The following REG3G variants were observed in gnomAD, a reference collection of about 807,000 sequenced individuals.
REG3G encodes the protein regenerating family member 3 gamma.
REG3G carries 19 observed loss-of-function variants against 20.9 expected under a neutral mutation model. The ratio of observed to expected loss-of-function variants is 0.91; its 90% CI spans 0.64 to 1.34. REG3G has a LOEUF of 1.34. Among genes scored for constraint, REG3G ranks in the 40% most tolerant of loss-of-function variants. The pLI is 0.00. For synonymous variants in REG3G, 89 were observed against 77.4 expected, an observed-to-expected ratio of 1.15 and a Z score of -0.79; for missense variants, 235 against 205.0, an observed-to-expected ratio of 1.15 and a Z score of -0.89.
chr2:79,027,242 C>T (rs185941694), intron 4 of REG3G, 71 bp downstream of exon 4: 58 of 1,513,360 alleles, frequency 3.8e-5, no homozygotes, highest in Non-Finnish European at 5.1e-5. Flanking sequence ...TCCCTGTCCC[C>T]AGTCCCTGCC....
At chr2:79,027,436 G>A in intron 4 of REG3G, among the ~76,000 whole-genome samples, 1 of 152,192 alleles carries the variant, frequency 6.6e-6, no homozygotes, top group East Asian at 1.9e-4. Context: ...AATTATCTGA[G>A]CTTCAGGGAG....
rs1671640612 is a variant in REG3G at position 79,027,022 on chromosome 2, T to A, written c.196-12T>A. 3.7e-6 allele frequency: 6 copies of A among 1,613,870 alleles called. No individual in the cohort carries two copies. The highest frequency in any genetic ancestry group is 8.5e-7 in the Non-Finnish European group (1 of 1,179,898). On this transcript the variant is annotated splice_polypyrimidine_tract_variant and intron_variant, in intron 3 of 5. Coordinates refer to ENST00000272324, the MANE Select transcript of REG3G (RefSeq NM_001008387.3). ...CTCAGGCTCCATCTCATTCTCTTTG[T>A]CCCCCTCAAAGCTGGCTTGCCAGAA... is the stretch of plus-strand genomic sequence containing the variant.
intron 5 of REG3G, 102 bp downstream of exon 5, chr2:79,028,035 T>A (rs1671670172): frequency 1.4e-6 from 2 of 1,473,084 alleles, no homozygotes; most frequent in Admixed American, 3.5e-5. Context: ...GCAGTGTTTA[T>A]GTGCCTTCTC....
intron 4 of REG3G, 30 bp from the exon 5 acceptor site, chr2:79,027,777 C>T (rs1283918923): frequency 1.2e-6 from 2 of 1,613,342 alleles, no homozygotes; most frequent in Admixed American, 1.7e-5. Flanking sequence ...TGGCCATTTT[C>T]TTCACCTGGC....
chr2:79,026,562 G>T, intron 2 of REG3G, 151 bp from the exon 3 acceptor site: 1 of 672,992 alleles, frequency 1.5e-6, no homozygotes, highest in South Asian at 1.9e-5. Flanking sequence ...GGGCTATTTT[G>T]AGATAAAGAA....
chr2:79,026,173 A>C lies in REG3G; in HGVS notation c.76+4A>C, dbSNP rs368137866. 1.5e-4 allele frequency: 236 copies of C among 1,613,844 alleles called. 1 individual carries two copies. Among genetic ancestry groups the C allele is most frequent in the Non-Finnish European group, 1.9e-4 (221 of 1,179,812 alleles). On this transcript the variant is annotated splice_donor_region_variant and intron_variant, in intron 2 of 5. Coordinates refer to ENST00000272324, the MANE Select transcript of REG3G (RefSeq NM_001008387.3). ...ATTCTCCTGTGTCAGGTTCAAGGTG[A>C]GATTTCTCTGCCTCTAGCACTGGGT...
chr2:79,026,471 G>A (rs1373089379), intron 2 of REG3G: 1 of 597,542 alleles, frequency 1.7e-6, no homozygotes, highest in African/African-American at 1.9e-5. Flanking sequence ...CCAATATAGA[G>A]ATAGCCCACA....
At chr2:79,027,719 G>T (rs2103967127) in intron 4 of REG3G, 88 bp from the exon 5 acceptor site, 1 of 1,482,720 alleles carries the variant, frequency 6.7e-7, no homozygotes, top group Non-Finnish European at 9.3e-7. Flanking sequence ...CTGATGCTGG[G>T]GAGGAATCAG....
Position 79,028,289 on chromosome 2 carries a change from G to C in REG3G, c.*13G>C. 6.3e-7 allele frequency: 1 copy of C among 1,584,814 alleles called. No homozygotes were observed. Among genetic ancestry groups the C allele is most frequent in the Non-Finnish European group, 8.7e-7 (1 of 1,153,354 alleles). ...GTTCAAGGACTAGGGCAGGTGGGAA[G>C]TCAGCAGCCTGAGCTTGGCGTGCAG... On this transcript the variant is annotated 3_prime_UTR_variant, in exon 6 of 6. Transcript: ENST00000272324.
At chr2:79,027,376 C>T (rs895941654) in intron 4 of REG3G, 15 of 551,772 alleles carry the variant, frequency 2.7e-5, no homozygotes, top group African/African-American at 3.8e-5. Flanking sequence ...GAAAATTAGT[C>T]GGACTCTTGT....
chr2:79,027,527 A>T (rs1193650271), intron 4 of REG3G, among the ~76,000 whole-genome samples: 1 of 152,240 alleles, frequency 6.6e-6, no homozygotes, highest in Non-Finnish European at 1.5e-5. Context: ...ATTATCTTTG[A>T]GGTTCGCAGG....
intron 5 of REG3G, 60 bp from the exon 6 acceptor site, chr2:79,028,148 GC>G: frequency 1.5e-6 from 2 of 1,340,906 alleles, no homozygotes; most frequent in Non-Finnish European, 2.1e-6. Context: ...AACCTGGGAT[GC>G]CTCTTCACTG....
rs55927036 is a variant in REG3G at position 79,026,084 on chromosome 2, C to T, written c.-10C>T. 2,859 of 1,613,724 alleles carry T rather than the reference C, an allele frequency of 1.8e-3. 40 individuals carry two copies. The African/African-American group carries it at 0.032, about 18-fold the overall frequency. On this transcript the variant is annotated 5_prime_UTR_variant, in exon 2 of 6. Coordinates refer to ENST00000272324, the MANE Select transcript of REG3G (RefSeq NM_001008387.3). ...TAGTGACCCGATTGCCTCCTCAAGT[C>T]GCAGACACTATGCTGCCTCCCATGG...
In REG3G at chr2:79,028,259, TGCAAGTTCAAGGACTAGG is replaced by T. The variant is rs749939146; in HGVS notation, c.515_*4del. 3 of 1,612,948 alleles carry T rather than the reference TGCAAGTTCAAGGACTAGG, an allele frequency of 1.9e-6. No homozygotes were observed. The highest frequency in any genetic ancestry group is 2.5e-6 in the Non-Finnish European group (3 of 1,179,038). The stretch of plus-strand genomic sequence containing the variant: ...CTGTGATGCAAAGTTACCCTATGTC[TGCAAGTTCAAGGACTAGG>T]GCAGGTGGGAAGTCAGCAGCCTGAG... On this transcript the variant is annotated stop_lost and 3_prime_UTR_variant, in exon 6 of 6. Coordinates refer to ENST00000272324, the MANE Select transcript of REG3G (RefSeq NM_001008387.3).
Position 79,028,289 on chromosome 2 carries a change from G to T in REG3G, c.*13G>T, listed in dbSNP as rs750195770. 1.9e-6 allele frequency: 3 copies of T among 1,584,814 alleles called. No individual in the cohort carries two copies. The South Asian group carries it at 3.3e-5, about 18-fold the overall frequency. ...GTTCAAGGACTAGGGCAGGTGGGAAGTCAGCAGCCTGAGCTTGGCGTGCAG... is the reference window on the plus strand; with the variant it reads ...GTTCAAGGACTAGGGCAGGTGGGAATTCAGCAGCCTGAGCTTGGCGTGCAG... On this transcript the variant is annotated 3_prime_UTR_variant, in exon 6 of 6. Transcript: ENST00000272324.
At chr2:79,027,761 C>T (rs1671660937) in intron 4 of REG3G, 46 bp from the exon 5 acceptor site, 1 of 1,611,506 alleles carries the variant, frequency 6.2e-7, no homozygotes. Context: ...GCAAAGAGAC[C>T]TGCAATGGCC....
At position 79,025,788 on chromosome 2, in the gene REG3G, A is replaced by G. The variant is rs1671600187; in HGVS notation, c.-112+15A>G. On this transcript the variant is annotated intron_variant, in intron 1 of 5. Coordinates refer to ENST00000272324, the MANE Select transcript of REG3G (RefSeq NM_001008387.3). ...TCACCAGAGAGGTAAGTGGGAGCTG[A>G]GAGAAGATGAGACCTGTGGAAGGGC... is the stretch of plus-strand genomic sequence containing the variant. 1 of 311,446 alleles carries G rather than the reference A, an allele frequency of 3.2e-6. No individual in the cohort carries two copies. The allele number at this position is 311,446 out of a possible 1,614,324, so 19.3% of individuals were successfully genotyped here.
In REG3G at chr2:79,026,166, C is replaced by G. The variant is rs763677470; in HGVS notation, c.73C>G (p.Gln25Glu). The change falls in exon 2 of 6, where the codon CAA becomes GAA. Residue 25 changes from glutamine (Q) to glutamate (E), a missense_variant. Coordinates refer to ENST00000272324, the MANE Select transcript of REG3G (RefSeq NM_001008387.3). ...LSCLILLCQV[Q>E]GEETQKELPS... is the part of the protein sequence containing the mutation. Reference sequence around the variant, plus strand: ...CTGCCTCATTCTCCTGTGTCAGGTTCAAGGTGAGATTTCTCTGCCTCTAGC... The same window carrying G: ...CTGCCTCATTCTCCTGTGTCAGGTTGAAGGTGAGATTTCTCTGCCTCTAGC... 2.5e-6 allele frequency: 4 copies of G among 1,613,852 alleles called. No homozygotes were observed. The South Asian group carries it at 3.3e-5, about 13-fold the overall frequency.
chr2:79,028,348 A>T lies in REG3G; in HGVS notation c.*72A>T. On this transcript the variant is annotated 3_prime_UTR_variant, in exon 6 of 6. Transcript: ENST00000272324. The stretch of plus-strand genomic sequence containing the variant: ...GGACATGAGACCAGTGTGAAGACTC[A>T]CCCTGGAAGAGAATATTCTCCCCAA... The T allele has an allele frequency of 1.0e-6, 1 of 993,142 alleles. No homozygotes were observed. Among genetic ancestry groups the T allele is most frequent in the Non-Finnish European group, 1.6e-6 (1 of 617,906 alleles). 61.5% of individuals were successfully genotyped at this position (993,142 alleles called of 1,614,324 possible). A position where few individuals can be genotyped will look rare whatever the true frequency, so the allele number is the denominator to read the frequency against.
Sources: gnomAD v4.1 joint callset for allele counts (sites outside exome capture counted in the v4.1 genomes callset) on GRCh38, gnomAD v4.1.1 for gene constraint, MANE v1.5 for transcripts, NCBI Gene and HGNC (gene_info 2026-07-23, HGNC 2026-07-21) for gene names.